The following MAPK6 variants were observed in gnomAD, a reference collection of about 807,000 sequenced individuals.
MAPK6 encodes the protein ERK-3.
MAPK6 carries 19 observed loss-of-function variants against 59.3 expected under a neutral mutation model. That is an observed-to-expected ratio of 0.32 (90% CI 0.22 to 0.47). The LOEUF (loss-of-function observed/expected upper bound fraction) is 0.47, where lower values mean the gene tolerates loss of function less well. Among genes scored for constraint, MAPK6 ranks in the 20% least tolerant of loss-of-function variants. MAPK6 has a pLI of 1.00. For missense variants in MAPK6, 724 were observed against 847.9 expected, an observed-to-expected ratio of 0.85 and a Z score of 1.81; for synonymous variants, 316 against 290.3, an observed-to-expected ratio of 1.09 and a Z score of -0.90.
intron 1 of MAPK6, chr15:52,033,679 T>C (rs1463075548): frequency 6.6e-6 from 1 of 152,230 alleles, no homozygotes; most frequent in African/African-American, 2.4e-5. Context: ...CGCCTTGTTA[T>C]TGTGTGAGCC....
intron 3 of MAPK6, among the ~76,000 whole-genome samples, chr15:52,054,194 C>A (rs1164797855): frequency 6.6e-6 from 1 of 151,462 alleles, no homozygotes; most frequent in Non-Finnish European, 1.5e-5. Flanking sequence ...ATGGTGAAAC[C>A]CTGTCTCTAC....
intron 2 of MAPK6, among the ~76,000 whole-genome samples, chr15:51,986,863 C>T (rs563783594): frequency 8.5e-5 from 13 of 152,304 alleles, no homozygotes; most frequent in African/African-American, 3.1e-4. Flanking sequence ...CAGCCCTTTA[C>T]TCCCTCTGTT....
At chr15:52,031,294 A>C (rs1383741203) in intron 1 of MAPK6, among the ~76,000 whole-genome samples, 1 of 152,146 alleles carries the variant, frequency 6.6e-6, no homozygotes, top group African/African-American at 2.4e-5. Context: ...GTGAAGGGAG[A>C]TATGTACTAT....
intron 2 of MAPK6, among the ~76,000 whole-genome samples, chr15:52,000,214 C>T (rs999633868): frequency 1.3e-5 from 2 of 152,186 alleles, no homozygotes; most frequent in Non-Finnish European, 2.9e-5. Flanking sequence ...ATTGGCACTA[C>T]AGGCGTGAGC....
intron 1 of MAPK6, among the ~76,000 whole-genome samples, chr15:52,027,335 GC>G (rs1160040854): frequency 8.5e-5 from 4 of 47,030 alleles, no homozygotes; most frequent in African/African-American, 3.1e-4. Context: ...GGGTGACAGA[GC>G]GAGACTCCCT....
intron 1 of MAPK6, among the ~76,000 whole-genome samples, chr15:52,034,211 C>A (rs976922170): frequency 4.6e-5 from 7 of 151,944 alleles, no homozygotes; most frequent in African/African-American, 1.7e-4. Context: ...TTTCAAACTC[C>A]TCACCTCAGG....
chr15:52,051,894 A>AGAT (rs1159975399), intron 3 of MAPK6, among the ~76,000 whole-genome samples: 5 of 152,054 alleles, frequency 3.3e-5, no homozygotes, highest in Non-Finnish European at 7.4e-5. Context: ...AAAATTTCTA[A>AGAT]GATGTATGAT....
chr15:52,002,773 G>T (rs945066858), intron 2 of MAPK6, among the ~76,000 whole-genome samples: 6 of 152,224 alleles, frequency 3.9e-5, no homozygotes, highest in African/African-American at 1.4e-4. Flanking sequence ...AGTTCCGCAT[G>T]GCTGGGGAGG....
chr15:51,990,250 T>C (rs574210002), intron 2 of MAPK6, among the ~76,000 whole-genome samples: 1 of 152,066 alleles, frequency 6.6e-6, no homozygotes, highest in Non-Finnish European at 1.5e-5. Flanking sequence ...GGGAAAAAAA[T>C]ACAACAAAGT....
At chr15:51,974,385 G>A (rs1421886424) in intron 1 of MAPK6, among the ~76,000 whole-genome samples, 5 of 151,500 alleles carry the variant, frequency 3.3e-5, no homozygotes, top group Admixed American at 2.0e-4. Flanking sequence ...GGCCGGGCAC[G>A]GTGGCTCACC....
intron 3 of MAPK6, among the ~76,000 whole-genome samples, chr15:52,012,997 AAAAAAAAAAAAAAAAAAAAAAAAATAT>A (rs1266670506): frequency 1.7e-4 from 2 of 11,596 alleles, no homozygotes; most frequent in East Asian, 1.8e-3. Context: ...GAAAAAAAAA[AAAAAAAAAAAAAAAAAAAAAAAAATAT>A]ATATATATAT....
chr15:52,064,585 A>G lies in MAPK6; in HGVS notation c.1751A>G (p.Gln584Arg). ...GAAAAAGGAATGGCAAATCTGGCTCAATTAGAAGCCTTGTACCAGTCTTCT... is the reference window on the plus strand; with the variant it reads ...GAAAAAGGAATGGCAAATCTGGCTCGATTAGAAGCCTTGTACCAGTCTTCT... Reference protein sequence around the residue: ...KQEKGMANLAQLEALYQSSWD... With the variant: ...KQEKGMANLARLEALYQSSWD... The change falls in exon 6 of 6, where the codon CAA (glutamine) becomes CGA (arginine). Residue 584 changes from glutamine to arginine, a missense_variant. Gln to Arg is a conservative substitution (Grantham distance 43). Around this residue, in one of 4 missense-constraint regions of MAPK6, gnomAD observed 502 missense variants for 507.6 expected, o/e 0.99. Coordinates refer to ENST00000261845, the MANE Select transcript of MAPK6 (RefSeq NM_002748.4). 6.2e-7 allele frequency: 1 copy of G among 1,611,854 alleles called. No homozygotes were observed. The highest frequency in any genetic ancestry group is 2.2e-5 in the East Asian group (1 of 44,884).
chr15:52,053,944 A>G (rs567189340), intron 3 of MAPK6, among the ~76,000 whole-genome samples: 14 of 151,946 alleles, frequency 9.2e-5, no homozygotes, highest in Non-Finnish European at 2.1e-4. Flanking sequence ...GCCTGAAACA[A>G]GATTTTAATT....
intron 3 of MAPK6, 22 bp downstream of exon 3, chr15:52,050,159 A>C (rs373929218): frequency 1.4e-4 from 217 of 1,582,570 alleles, no homozygotes; most frequent in Non-Finnish European, 1.8e-4. Context: ...GTGGGGGGAA[A>C]AATTTTCCCA....
intron 1 of MAPK6, among the ~76,000 whole-genome samples, chr15:52,044,426 C>T (rs903641957): frequency 6.6e-6 from 1 of 152,178 alleles, no homozygotes; most frequent in African/African-American, 2.4e-5. Context: ...TCCTTTTGCT[C>T]ATATCAGGTT....
intron 1 of MAPK6, among the ~76,000 whole-genome samples, chr15:51,980,293 TA>T (rs56978128): frequency 6.4e-4 from 91 of 142,770 alleles, no homozygotes; most frequent in East Asian, 4.8e-3. Context: ...AAAACTGTCT[TA>T]AAAAAAAAAA....
intron 1 of MAPK6, among the ~76,000 whole-genome samples, chr15:51,978,326 G>A (rs2057162972): frequency 1.3e-5 from 2 of 151,712 alleles, no homozygotes; most frequent in African/African-American, 4.8e-5. Flanking sequence ...TAGAGACAGG[G>A]TTTTGGGATG....
chr15:51,995,003 T>C (rs1208123627), intron 2 of MAPK6, among the ~76,000 whole-genome samples: 1 of 152,222 alleles, frequency 6.6e-6, no homozygotes. Flanking sequence ...GGAATATGCT[T>C]ATTAGCAAGA....
intron 2 of MAPK6, among the ~76,000 whole-genome samples, chr15:51,987,952 G>A (rs918643770): frequency 2.0e-5 from 3 of 151,994 alleles, no homozygotes; most frequent in African/African-American, 7.2e-5. Flanking sequence ...TTTTAGTAGA[G>A]ACAGAGTTTC....
Sources: allele counts gnomAD v4.1 joint callset (sites outside exome capture counted in the v4.1 genomes callset), GRCh38; gene constraint gnomAD v4.1.1; regional missense constraint gnomAD v4.1.1; transcripts MANE v1.5; gene names NCBI Gene and HGNC (gene_info 2026-07-23, HGNC 2026-07-21).